The following C4orf50 variants were observed in gnomAD, a reference collection of about 807,000 sequenced individuals.
C4orf50 encodes uncharacterized protein C4orf50.
In C4orf50, 80 loss-of-function variants were observed where a neutral mutation model predicts 77.2. The observed-to-expected ratio is 1.04, with a 90% CI of 0.87 to 1.25. The LOEUF is 1.25. C4orf50 is among the 50% of genes most tolerant of loss of function. C4orf50 has a pLI of 0.00. For missense variants in C4orf50, 1,257 were observed against 1,152.9 expected (o/e 1.09, Z -1.31); for synonymous variants, 532 against 465.3 (o/e 1.14, Z -1.84).
chr4:5,967,540 C>T (rs952355173), intron 31 of C4orf50, 78 bp from the exon 10 acceptor site: 8 of 1,304,602 alleles, frequency 6.1e-6, no homozygotes, highest in Non-Finnish European at 8.9e-6. Flanking sequence ...GCAATTGGAC[C>T]AAGCAGGGCC....
chr4:5,908,389 C>T lies in C4orf50; in HGVS notation c.*2475-10201G>A, dbSNP rs1716648920. ...CATGTGTGGGGATATCAGAGAGGACCTCTGACTTCAACCAGTGGGCTCTGT... is the reference window on the plus strand; with the variant it reads ...CATGTGTGGGGATATCAGAGAGGACTTCTGACTTCAACCAGTGGGCTCTGT... On this transcript the variant is annotated intron_variant, in intron 7 of 7. Coordinates refer to the C4orf50 transcript ENST00000324058. This position sits in a 1 kb window ranked among gnomAD's most constrained non-coding sequence, Gnocchi z 5.6. 6.6e-6 allele frequency among the ~76,000 whole-genome samples: 1 copy of T among 152,090 alleles called. No homozygotes were observed. The highest frequency in any genetic ancestry group is 2.1e-4 in the South Asian group (1 of 4,824).
Position 5,975,881 on chromosome 4 carries a change from A to T in C4orf50, c.3921+18T>A. 1 of 1,589,364 alleles carries T rather than the reference A, an allele frequency of 6.3e-7. No homozygotes were observed. Among genetic ancestry groups the T allele is most frequent in the Middle Eastern group, 1.7e-4 (1 of 6,024 alleles). ...GTTTTGAAAGAGGCATTTCATGTTG[A>T]TTTTATGAACATATTACCTTCAGGG... On this transcript the variant is annotated intron_variant, in intron 30 of 33. Coordinates refer to ENST00000531445, the Ensembl canonical transcript of C4orf50.
chr4:5,986,804 T>G (rs1720889895), intron 28 of C4orf50, among the ~76,000 whole-genome samples: 1 of 152,090 alleles, frequency 6.6e-6, no homozygotes, highest in Non-Finnish European at 1.5e-5. Flanking sequence ...CTCAAAGTGC[T>G]GGGATTACAG....
At chr4:5,963,710 C>G (rs1423475331) in intron 33 of C4orf50, among the ~76,000 whole-genome samples, 3 of 152,152 alleles carry the variant, frequency 2.0e-5, no homozygotes, top group Admixed American at 2.0e-4. Flanking sequence ...GCAATGGCTG[C>G]TTTCTCTTTT....
rs1003029796 is a variant in C4orf50 at position 5,920,739 on chromosome 4, G to A, written c.*2475-22551C>T. Among the ~76,000 whole-genome samples, 23 of 152,212 alleles carry A rather than the reference G, an allele frequency of 1.5e-4. 1 individual carries two copies. The highest frequency in any genetic ancestry group is 3.2e-4 in the Non-Finnish European group (22 of 68,048). ...GATCCACCCATCTTGGCCTCCCAAAGTGCTGGGATTACAGGCGTGAGCCAC... is the reference window on the plus strand; with the variant it reads ...GATCCACCCATCTTGGCCTCCCAAAATGCTGGGATTACAGGCGTGAGCCAC... On this transcript the variant is annotated intron_variant, in intron 7 of 7. Transcript: ENST00000324058.
intron 7 of C4orf50, among the ~76,000 whole-genome samples, chr4:5,909,572 T>C (rs1716706128): frequency 6.6e-6 from 1 of 152,262 alleles, no homozygotes; most frequent in Non-Finnish European, 1.5e-5. Context: ...GTCTTATCTA[T>C]AAAATCTTTG....
At chr4:5,996,690 A>T (rs6842017) in intron 25 of C4orf50, among the ~76,000 whole-genome samples, 37,979 of 152,024 alleles carry the variant, frequency 0.25, 5,077 homozygotes, top group African/African-American at 0.3. Flanking sequence ...TTTCTTCTCA[A>T]AGGCCAGGGG....
Position 5,987,412 on chromosome 4 carries a change from C to CAAAAAAAAAAAAAAAA in C4orf50, c.3699+919_3699+934dup, listed in dbSNP as rs58512584. 5.6e-4 allele frequency among the ~76,000 whole-genome samples: 19 copies of CAAAAAAAAAAAAAAAA among 33,644 alleles called. 4 individuals are homozygous for CAAAAAAAAAAAAAAAA. Among genetic ancestry groups the CAAAAAAAAAAAAAAAA allele is most frequent in the South Asian group, 2.0e-3 (1 of 494 alleles). The allele number at this position is 33,644 out of a possible 152,430, so 22.1% of individuals were successfully genotyped here. On this transcript the variant is annotated intron_variant, in intron 28 of 33. Transcript: ENST00000531445. ...GGTGACAGAGCGAGACTCTGTCTCA[C>CAAAAAAAAAAAAAAAA]AAAAAAAAAAAAAAAAAAAAAAAGA...
At chr4:6,003,827 GGTGA>G (rs1721984641) in intron 25 of C4orf50, among the ~76,000 whole-genome samples, 3 of 60,062 alleles carry the variant, frequency 5.0e-5, no homozygotes, top group Non-Finnish European at 1.2e-4. Flanking sequence ...TGATGGTGAT[GGTGA>G]TGATGTGATA....
intron 30 of C4orf50, 50 bp downstream of exon 8, chr4:5,975,849 C>G (rs1282728000): frequency 7.2e-7 from 1 of 1,384,190 alleles, no homozygotes; most frequent in South Asian, 1.2e-5. Flanking sequence ...CTACTAAACT[C>G]TCTTTTGTTT....
chr4:5,902,390 G>A (rs909670509), intron 7 of C4orf50: 1 of 152,170 alleles, frequency 6.6e-6, no homozygotes, highest in Admixed American at 6.5e-5. Context: ...GCCCTCAGTG[G>A]CTAATGCGTC....
chr4:5,934,064 G>A (rs1241538935), intron 7 of C4orf50, among the ~76,000 whole-genome samples: 1 of 151,988 alleles, frequency 6.6e-6, no homozygotes, highest in African/African-American at 2.4e-5. Flanking sequence ...TAGGGTTAAG[G>A]ACACAGGCTT....
chr4:5,919,577 C>T lies in C4orf50; in HGVS notation c.*2475-21389G>A, dbSNP rs906382461. ...GAAGCATGGGTGGAGAGGATAGCTG[C>T]TGTCTCCAGAATCTCCCTTCCAATG... is the stretch of plus-strand genomic sequence containing the variant. On this transcript the variant is annotated intron_variant, in intron 7 of 7. Transcript: ENST00000324058. This position sits in a 1 kb window ranked among gnomAD's most constrained non-coding sequence, Gnocchi z 6.5. Among the ~76,000 whole-genome samples, 2 of 152,194 alleles carry T rather than the reference C, an allele frequency of 1.3e-5. No homozygotes were observed. Among genetic ancestry groups the T allele is most frequent in the African/African-American group, 2.4e-5 (1 of 41,458 alleles).
chr4:5,980,401 A>C, intron 28 of C4orf50, 63 bp from the exon 7 acceptor site: 1 of 1,483,794 alleles, frequency 6.7e-7, no homozygotes, highest in Non-Finnish European at 9.1e-7. Context: ...TGCCTTAGCC[A>C]ACAAACGGTA....
chr4:5,978,450 G>A (rs890693462), intron 29 of C4orf50, among the ~76,000 whole-genome samples: 5 of 152,088 alleles, frequency 3.3e-5, no homozygotes, highest in Admixed American at 2.6e-4. Context: ...GAGATTCAAA[G>A]GAAATATTGA....
downstream of C4orf50, among the ~76,000 whole-genome samples, chr4:5,955,733 C>A (rs1279132544): frequency 1.3e-5 from 2 of 152,278 alleles, no homozygotes; most frequent in East Asian, 3.9e-4. The surrounding 1 kb of genome is among the most constrained non-coding windows in gnomAD (Gnocchi z 5.1). Context: ...CTTGTGAGCA[C>A]CTGCAGATGG....
At chr4:5,999,342 A>T (rs1330191375) in intron 25 of C4orf50, among the ~76,000 whole-genome samples, 2 of 152,164 alleles carry the variant, frequency 1.3e-5, no homozygotes, top group African/African-American at 2.4e-5. Flanking sequence ...GCAAAATGAG[A>T]ATCCATAACT....
At chr4:5,961,581 T>C (rs1719279127) in intron 33 of C4orf50, among the ~76,000 whole-genome samples, 2 of 152,334 alleles carry the variant, frequency 1.3e-5, no homozygotes, top group South Asian at 2.1e-4. Context: ...TGAAGTGCTG[T>C]GCCCAAGGCC....
At chr4:5,975,139 CAAAAAAAAAAAAAAAAAA>C (rs763836859) in intron 30 of C4orf50, among the ~76,000 whole-genome samples, 29 of 82,868 alleles carry the variant, frequency 3.5e-4, no homozygotes, top group Non-Finnish European at 4.8e-4. Flanking sequence ...CACTCCATCT[CAAAAAAAAAAAAAAAAAA>C]AAAAAAAAAA....
Sources: allele counts gnomAD v4.1 joint callset (sites outside exome capture counted in the v4.1 genomes callset), GRCh38; gene constraint gnomAD v4.1.1; non-coding constraint Gnocchi (gnomAD v3.1); transcripts MANE v1.5; gene names NCBI Gene and HGNC (gene_info 2026-07-23, HGNC 2026-07-21).